Variants in HIVEP3 observed in about 807,000 individuals in gnomAD.
HIVEP3 encodes the protein HIVEP zinc finger 3.
HIVEP3 carries 49 observed loss-of-function variants against 152.8 expected under a neutral mutation model. The observed-to-expected ratio is 0.32, with a 90% confidence interval of 0.26 to 0.41. The LOEUF is 0.41. HIVEP3 is among the 10% of genes least tolerant of loss of function. The pLI is 1.00. For missense variants in HIVEP3, 2,790 were observed against 3,103.3 expected, an observed-to-expected ratio of 0.90 and a Z score of 2.40; for synonymous variants, 1,269 against 1,289.0, an observed-to-expected ratio of 0.98 and a Z score of 0.33.
intron 2 of HIVEP3, among the ~76,000 whole-genome samples, chr1:41,681,309 G>A (rs1486164978): frequency 6.6e-6 from 1 of 152,156 alleles, no homozygotes; most frequent in Non-Finnish European, 1.5e-5. Context: ...ACCCAGGCTA[G>A]TCTTGAACTC....
At chr1:41,749,736 CCT>C (rs1322537378) in intron 1 of HIVEP3, among the ~76,000 whole-genome samples, 3 of 110,768 alleles carry the variant, frequency 2.7e-5, no homozygotes, top group Admixed American at 1.1e-4. Context: ...CTTTCTAGCC[CCT>C]GTTCTTCCCA....
intron 1 of HIVEP3, among the ~76,000 whole-genome samples, chr1:41,848,619 AAGG>A (rs1643508047): frequency 6.6e-6 from 1 of 152,162 alleles, no homozygotes; most frequent in Admixed American, 6.5e-5. Context: ...TTGCAGGAAG[AAGG>A]AGGGACCCAG....
At chr1:41,793,676 AC>A (rs1354897865) in intron 1 of HIVEP3, among the ~76,000 whole-genome samples, 1 of 152,236 alleles carries the variant, frequency 6.6e-6, no homozygotes, top group African/African-American at 2.4e-5. Context: ...ATTTTGGTTT[AC>A]CAAAGTAGAA....
At chr1:41,870,534 C>G (rs576831619) in intron 1 of HIVEP3, among the ~76,000 whole-genome samples, 23 of 152,256 alleles carry the variant, frequency 1.5e-4, no homozygotes, top group Admixed American at 8.5e-4. Context: ...GCCGGGTGAA[C>G]GTACAAATGA....
At chr1:41,677,606 G>A (rs1645976335) in intron 2 of HIVEP3, among the ~76,000 whole-genome samples, 1 of 152,266 alleles carries the variant, frequency 6.6e-6, no homozygotes. Flanking sequence ...AAGTCCAGAA[G>A]CCCTACAGCT....
At chr1:41,690,020 G>C (rs1646172781) in intron 2 of HIVEP3, among the ~76,000 whole-genome samples, 1 of 152,224 alleles carries the variant, frequency 6.6e-6, no homozygotes, top group Admixed American at 6.5e-5. Flanking sequence ...CTAGGTCCTT[G>C]GGAGTCTCAG....
At chr1:41,597,580 A>C (rs1644685509) in intron 3 of HIVEP3, among the ~76,000 whole-genome samples, 2 of 152,158 alleles carry the variant, frequency 1.3e-5, no homozygotes, top group South Asian at 4.1e-4. Context: ...CCAAAATCAC[A>C]AAACTGATAA....
rs559543099 is a variant in HIVEP3 at position 41,764,221 on chromosome 1, G to A, written c.-800-63226C>T. 5.9e-5 allele frequency among the ~76,000 whole-genome samples: 9 copies of A among 152,324 alleles called. No individual in the cohort carries two copies. In the South Asian group the frequency reaches 1.9e-3, roughly 32 times the overall value. Reference sequence around the variant, plus strand: ...GAGCCAATGAGGATTGCTTAGGAGGGAAGAGACATGGCCCAACTGTGTTTG... The same window carrying A: ...GAGCCAATGAGGATTGCTTAGGAGGAAAGAGACATGGCCCAACTGTGTTTG... On this transcript the variant is annotated intron_variant, in intron 1 of 8. Transcript: ENST00000372583.
intron 1 of HIVEP3, among the ~76,000 whole-genome samples, chr1:41,811,644 C>T (rs1041029152): frequency 6.6e-5 from 10 of 151,860 alleles, no homozygotes; most frequent in African/African-American, 2.4e-4. Context: ...AGACACTGTC[C>T]TGAACCATCG....
intron 1 of HIVEP3, among the ~76,000 whole-genome samples, chr1:41,974,332 T>C (rs1246692202): frequency 6.6e-6 from 1 of 152,086 alleles, no homozygotes; most frequent in African/African-American, 2.4e-5. Flanking sequence ...CTAGGAGCAG[T>C]TGGTTCTCTT....
chr1:41,995,149 C>T (rs1645388872), intron 1 of HIVEP3, among the ~76,000 whole-genome samples: 1 of 151,612 alleles, frequency 6.6e-6, no homozygotes, highest in African/African-American at 2.4e-5. Flanking sequence ...ATGTTGATCA[C>T]GAGTACCCAG....
At chr1:42,033,537 T>C (rs1452814902) in intron 1 of HIVEP3, among the ~76,000 whole-genome samples, 1 of 119,438 alleles carries the variant, frequency 8.4e-6, no homozygotes, top group East Asian at 3.7e-4. Context: ...TTAATTCTTA[T>C]CTGCATTGAC....
intron 1 of HIVEP3, among the ~76,000 whole-genome samples, chr1:42,024,085 A>G (rs905304141): frequency 6.6e-6 from 1 of 152,220 alleles, no homozygotes; most frequent in Non-Finnish European, 1.5e-5. Flanking sequence ...ATAAGACATG[A>G]TATCCATACA....
chr1:41,580,898 T>C lies in HIVEP3; in HGVS notation c.3900A>G (p.Thr1300=), dbSNP rs1224973881. 6.2e-7 allele frequency: 1 copy of C among 1,612,124 alleles called. No homozygotes were observed. Among genetic ancestry groups the C allele is most frequent in the South Asian group, 1.1e-5 (1 of 90,468 alleles). The change falls in exon 4 of 9, where the codon ACA becomes ACG. Residue 1300 remains threonine (T), a synonymous_variant. Coordinates refer to ENST00000372583, the MANE Select transcript of HIVEP3 (RefSeq NM_024503.5). ...VAPPASSSAP[T]SAPPLALPAC... is the part of the protein sequence containing the mutation. ...CAGGCAGGGCCAGTGGAGGAGCTGA[T>C]GTAGGTGCTGAGGAGCTGGCTGGGG... is the stretch of plus-strand genomic sequence containing the variant.
intron 5 of HIVEP3, among the ~76,000 whole-genome samples, chr1:41,527,114 ACC>A (rs1228875167): frequency 2.7e-5 from 3 of 111,942 alleles, no homozygotes; most frequent in Non-Finnish European, 5.5e-5. Flanking sequence ...ACCCTCACAC[ACC>A]CTCTTCCTCA....
At chr1:41,865,240 G>C (rs892365732) in intron 1 of HIVEP3, among the ~76,000 whole-genome samples, 1 of 152,160 alleles carries the variant, frequency 6.6e-6, no homozygotes, top group Admixed American at 6.5e-5. Context: ...GCTAAACAAA[G>C]ATTAGGAGCA....
intron 2 of HIVEP3, among the ~76,000 whole-genome samples, chr1:41,671,303 G>A (rs1170460413): frequency 6.6e-6 from 1 of 152,248 alleles, no homozygotes; most frequent in Admixed American, 6.5e-5. Context: ...AAGCAGATCC[G>A]CTCCGAAGCC....
chr1:41,733,747 T>C (rs1487839946), intron 1 of HIVEP3, among the ~76,000 whole-genome samples: 2 of 152,170 alleles, frequency 1.3e-5, no homozygotes, highest in Non-Finnish European at 1.5e-5. Flanking sequence ...AGGAAAGGGA[T>C]GTGGGGAAGG....
intron 2 of HIVEP3, among the ~76,000 whole-genome samples, chr1:41,679,447 C>T (rs565044851): frequency 2.0e-5 from 3 of 152,342 alleles, no homozygotes; most frequent in African/African-American, 4.8e-5. Flanking sequence ...CAGTTGGGTG[C>T]GTGGGACTCA....
Sources: allele counts gnomAD v4.1 joint callset (sites outside exome capture counted in the v4.1 genomes callset), GRCh38; gene constraint gnomAD v4.1.1; transcripts MANE v1.5; gene names NCBI Gene and HGNC (gene_info 2026-07-23, HGNC 2026-07-21).